TRADD: variants seen among roughly 807,000 people sequenced by gnomAD.
TRADD encodes tumor necrosis factor receptor type 1-associated DEATH domain protein.
TRADD carries 14 observed loss-of-function variants against 31.5 expected under a neutral mutation model. The observed-to-expected ratio is 0.44, with a 90% CI of 0.29 to 0.69. The LOEUF (loss-of-function observed/expected upper bound fraction) is 0.69, where lower values mean the gene tolerates loss of function less well. Ranked by LOEUF, TRADD falls within the 30% of genes least tolerant of loss-of-function variation. The pLI is 0.11. For synonymous variants in TRADD, 220 were observed against 215.8 expected, an observed-to-expected ratio of 1.02 and a Z score of -0.17; for missense variants, 388 against 435.7, an observed-to-expected ratio of 0.89 and a Z score of 0.97.
chr16:67,154,717 C>G lies in TRADD; in HGVS notation c.871G>C (p.Glu291Gln), dbSNP rs757474079. The change falls in exon 5 of 5, where the codon GAG (glutamate) becomes CAG (glutamine). Residue 291 changes from glutamate (E) to glutamine (Q), a missense_variant. Transcript: ENST00000345057. The surrounding 1 kb of genome is among the most constrained non-coding windows in gnomAD (Gnocchi z 5.2). ...TCTGCCAGGCTGGTGAGCTCGTTCT[C>G]CTCGAGTGCCTCCACCAGGCGCTGC... ...TLQRLVEALE[E>Q]NELTSLAEDL... is the part of the protein sequence containing the mutation. 6.2e-7 allele frequency: 1 copy of G among 1,612,556 alleles called. No homozygotes were observed. Among genetic ancestry groups the G allele is most frequent in the Non-Finnish European group, 8.5e-7 (1 of 1,179,786 alleles).
Position 67,159,343 on chromosome 16 carries a change from G to A in TRADD, c.-9+495C>T, listed in dbSNP as rs1052682301. Among the ~76,000 whole-genome samples the A allele has an allele frequency of 6.6e-6, 1 of 152,180 alleles. No homozygotes were observed. Among genetic ancestry groups the A allele is most frequent in the Non-Finnish European group, 1.5e-5 (1 of 68,026 alleles). ...TGCCCCCTGAACACCTAACAGTCCC[G>A]GGGGCAGCCCCACCTCTGGCTGGGT... On this transcript the variant is annotated intron_variant, in intron 1 of 4. Coordinates refer to ENST00000345057, the MANE Select transcript of TRADD (RefSeq NM_003789.4). This position sits in a 1 kb window ranked among gnomAD's most constrained non-coding sequence, Gnocchi z 6.8.
At chr16:67,155,321 G>C in intron 3 of TRADD, 27 bp from the exon 4 acceptor site, 1 of 1,608,812 alleles carries the variant, frequency 6.2e-7, no homozygotes, top group South Asian at 1.1e-5. Context: ...TGCCGTCACG[G>C]GGGACTTAAC....
chr16:67,154,551 G>A lies in TRADD; in HGVS notation c.*98C>T. ...GCAGGTCCAGCAGATAGGCCAAGTG[G>A]AGTTTCAGGGTCCCGTGGATGGACA... On this transcript the variant is annotated 3_prime_UTR_variant, in exon 5 of 5. Transcript: ENST00000345057. This position sits in a 1 kb window ranked among gnomAD's most constrained non-coding sequence, Gnocchi z 5.2. 1.4e-6 allele frequency: 2 copies of A among 1,443,964 alleles called. No individual in the cohort carries two copies. Among genetic ancestry groups the A allele is most frequent in the South Asian group, 2.5e-5 (2 of 81,378 alleles). The allele number at this position is 1,443,964 out of a possible 1,614,324, so 89.4% of individuals were successfully genotyped here.
At chr16:67,155,848 T>G (rs2030672777) in intron 2 of TRADD, 194 bp from the exon 3 acceptor site, 1 of 1,485,174 alleles carries the variant, frequency 6.7e-7, no homozygotes, top group Non-Finnish European at 8.9e-7. Context: ...GACCAGGATC[T>G]GTCACAGGGA....
Position 67,154,537 on chromosome 16 carries a change from A to G in TRADD, c.*112T>C. The G allele has an allele frequency of 7.4e-7, 1 of 1,344,578 alleles. No individual in the cohort carries two copies. Among genetic ancestry groups the G allele is most frequent in the Non-Finnish European group, 1.0e-6 (1 of 974,602 alleles). 83.3% of individuals were successfully genotyped at this position (1,344,578 alleles called of 1,614,324 possible). ...TCAACTCTGCCCCAGCAGGTCCAGC[A>G]GATAGGCCAAGTGGAGTTTCAGGGT... is the stretch of plus-strand genomic sequence containing the variant. On this transcript the variant is annotated 3_prime_UTR_variant, in exon 5 of 5. Transcript: ENST00000345057. This position sits in a 1 kb window ranked among gnomAD's most constrained non-coding sequence, Gnocchi z 5.2.
In TRADD at chr16:67,155,665, G is replaced by A; in HGVS notation, c.152-11C>T. The A allele has an allele frequency of 6.4e-7, 1 of 1,565,230 alleles. No homozygotes were observed. The highest frequency in any genetic ancestry group is 8.6e-7 in the Non-Finnish European group (1 of 1,163,716). On this transcript the variant is annotated splice_polypyrimidine_tract_variant and intron_variant, in intron 2 of 4. Coordinates refer to ENST00000345057, the MANE Select transcript of TRADD (RefSeq NM_003789.4). ...GGCTCCCGCCGCTCTCTGCGGAGGCGGGCGGTCAGGCGCCGGGCGGTCCCC... is the reference window on the plus strand; with the variant it reads ...GGCTCCCGCCGCTCTCTGCGGAGGCAGGCGGTCAGGCGCCGGGCGGTCCCC...
intron 1 of TRADD, among the ~76,000 whole-genome samples, chr16:67,158,429 G>A (rs987744993): frequency 6.6e-6 from 1 of 152,192 alleles, no homozygotes; most frequent in African/African-American, 2.4e-5. Flanking sequence ...GCTTCCCAAA[G>A]TGCTGGGTTA....
At chr16:67,158,752 T>C (rs2030790830) in intron 1 of TRADD, among the ~76,000 whole-genome samples, 4 of 152,308 alleles carry the variant, frequency 2.6e-5, no homozygotes, top group African/African-American at 9.6e-5. Context: ...AGTGGGTCCA[T>C]AATAGGGAGC....
intron 2 of TRADD, chr16:67,155,928 AGGGACTTCGAAGCACAGAAAAG>A: frequency 6.6e-7 from 1 of 1,506,126 alleles, no homozygotes; most frequent in Non-Finnish European, 8.9e-7. Flanking sequence ...GGCAAAAGAG[AGGGACTTCGAAGCACAGAAAAG>A]GGGGCGTGTG....
In TRADD at chr16:67,159,480, T is replaced by G. The variant is rs1449448956; in HGVS notation, c.-9+358A>C. ...CAGCTCCCGAGCGCTTGAGGGGAGC[T>G]TCCCAGGCTCCCACTAGCCCACCCT... On this transcript the variant is annotated intron_variant, in intron 1 of 4. Transcript: ENST00000345057. This position sits in a 1 kb window ranked among gnomAD's most constrained non-coding sequence, Gnocchi z 6.8. 6.6e-6 allele frequency among the ~76,000 whole-genome samples: 1 copy of G among 152,128 alleles called. No homozygotes were observed. Among genetic ancestry groups the G allele is most frequent in the Non-Finnish European group, 1.5e-5 (1 of 68,006 alleles).
Position 67,156,233 on chromosome 16 carries a change from C to T in TRADD, c.151+277G>A. The T allele has an allele frequency of 3.4e-6, 5 of 1,460,270 alleles. No homozygotes were observed. The highest frequency in any genetic ancestry group is 3.6e-6 in the Non-Finnish European group (4 of 1,097,026). 90.5% of individuals were successfully genotyped at this position (1,460,270 alleles called of 1,614,324 possible). A position where few individuals can be genotyped will look rare whatever the true frequency, so the allele number is the denominator to read the frequency against. On this transcript the variant is annotated intron_variant, in intron 2 of 4. Transcript: ENST00000345057. The surrounding 1 kb of genome is among the most constrained non-coding windows in gnomAD (Gnocchi z 4.6). ...AGAGAGGAAAAGAGGAGAGAGACAT[C>T]CACAATTAGTAGAAAGGAGTGAGCC...
chr16:67,156,728 C>G lies in TRADD; in HGVS notation c.-8-60G>C, dbSNP rs2030714627. ...CCCCCTCCCTCCACCCTGGAGACAA[C>G]TACCCAGCCCCACGTGGTTCAGCTG... On this transcript the variant is annotated intron_variant, in intron 1 of 4. Transcript: ENST00000345057. This position sits in a 1 kb window ranked among gnomAD's most constrained non-coding sequence, Gnocchi z 4.6. The G allele has an allele frequency of 6.2e-7, 1 of 1,604,870 alleles. No individual in the cohort carries two copies. Among genetic ancestry groups the G allele is most frequent in the Non-Finnish European group, 8.5e-7 (1 of 1,178,044 alleles).
chr16:67,155,989 C>G, intron 2 of TRADD: 1 of 1,412,612 alleles, frequency 7.1e-7, no homozygotes, highest in Non-Finnish European at 9.4e-7. Flanking sequence ...TCTGGGTAGG[C>G]GGCCAGCAGG....
intron 1 of TRADD, among the ~76,000 whole-genome samples, chr16:67,157,213 C>T (rs1393803320): frequency 6.6e-6 from 1 of 152,312 alleles, no homozygotes; most frequent in Admixed American, 6.5e-5. Flanking sequence ...TCTCCCCAAG[C>T]CTGACTTACC....
Position 67,155,199 on chromosome 16 carries a change from G to C in TRADD, c.525C>G (p.Val175=). 1 of 1,584,434 alleles carries C rather than the reference G, an allele frequency of 6.3e-7. No homozygotes were observed. The highest frequency in any genetic ancestry group is 8.6e-7 in the Non-Finnish European group (1 of 1,167,710). ...GSGARGGDGE[V]ASAPLQPPVP... ...CCGGGGGCTGCAAGGGGGCCGAAGC[G>C]ACCTCCCCGTCGCCACCCCGGGCCC... The change falls in exon 4 of 5, where the codon GTC becomes GTG. Residue 175 remains valine, a synonymous_variant. Coordinates refer to ENST00000345057, the MANE Select transcript of TRADD (RefSeq NM_003789.4).
Position 67,154,697 on chromosome 16 carries a change from C to A in TRADD, c.891G>T (p.Leu297=). The change falls in exon 5 of 5, where the codon CTG becomes CTT. Residue 297 remains leucine, a synonymous_variant. Coordinates refer to ENST00000345057, the MANE Select transcript of TRADD (RefSeq NM_003789.4). The surrounding 1 kb of genome is among the most constrained non-coding windows in gnomAD (Gnocchi z 5.2). The stretch of plus-strand genomic sequence containing the variant: ...CGGTCAGGCCCAGCAAGTCCTCTGC[C>A]AGGCTGGTGAGCTCGTTCTCCTCGA... ...EALEENELTS[L]AEDLLGLTDP... 6.2e-7 allele frequency: 1 copy of A among 1,612,918 alleles called. No individual in the cohort carries two copies. The highest frequency in any genetic ancestry group is 8.5e-7 in the Non-Finnish European group (1 of 1,179,908).
chr16:67,158,784 G>A (rs899157790), intron 1 of TRADD, among the ~76,000 whole-genome samples: 1 of 152,172 alleles, frequency 6.6e-6, no homozygotes, highest in Non-Finnish European at 1.5e-5. Context: ...GTGAGATAAG[G>A]GGGGAGTCCT....
intron 2 of TRADD, chr16:67,155,940 G>A (rs1777893845): frequency 3.3e-6 from 5 of 1,492,804 alleles, no homozygotes; most frequent in Non-Finnish European, 4.5e-6. Context: ...GGACTTCGAA[G>A]CACAGAAAAG....
In TRADD at chr16:67,154,754, G is replaced by C; in HGVS notation, c.834C>G (p.Arg278=). 1 of 1,607,666 alleles carries C rather than the reference G, an allele frequency of 6.2e-7. No homozygotes were observed. Residue 278 remains arginine, a synonymous_variant, in exon 5 of 5, where the codon CGC becomes CGG. Coordinates refer to ENST00000345057, the MANE Select transcript of TRADD (RefSeq NM_003789.4). The surrounding 1 kb of genome is among the most constrained non-coding windows in gnomAD (Gnocchi z 5.2). ...CCACCAGGCGCTGCAGCGTGGCGCG[G>C]CGGCCCTCGGCCTGCACGAAGCGCC... ...LLRRFVQAEG[R]RATLQRLVEA...
Sources: gnomAD v4.1 joint callset for allele counts (sites outside exome capture counted in the v4.1 genomes callset) on GRCh38, gnomAD v4.1.1 for gene constraint, Gnocchi (gnomAD v3.1) non-coding constraint, MANE v1.5 for transcripts, NCBI Gene and HGNC (gene_info 2026-07-23, HGNC 2026-07-21) for gene names.